NHSL1: variants seen among roughly 807,000 people sequenced by gnomAD.
NHSL1 encodes NHS-like protein 1.
A neutral mutation model predicts 95.0 loss-of-function variants in NHSL1; 48 were observed. That is an observed-to-expected ratio of 0.51 (90% CI 0.40 to 0.64). NHSL1 has a LOEUF of 0.64. Among genes scored for constraint, NHSL1 ranks in the 30% least tolerant of loss-of-function variants. The probability of loss-of-function intolerance (pLI) is 0.00; values close to 1 mark genes in which losing one functional copy is unlikely to be tolerated. For missense variants in NHSL1, 1,971 were observed against 2,077.7 expected, an observed-to-expected ratio of 0.95 and a Z score of 1.00; for synonymous variants, 783 against 833.9, an observed-to-expected ratio of 0.94 and a Z score of 1.05.
chr6:138,589,398 T>C (rs563955993), intron 1 of NHSL1, among the ~76,000 whole-genome samples: 1 of 152,204 alleles, frequency 6.6e-6, no homozygotes, highest in East Asian at 1.9e-4. Flanking sequence ...GAGAATCACC[T>C]GGGGGCCTCA....
At chr6:138,561,472 G>C (rs928127275) in intron 1 of NHSL1, among the ~76,000 whole-genome samples, 1 of 152,114 alleles carries the variant, frequency 6.6e-6, no homozygotes, top group Non-Finnish European at 1.5e-5. Flanking sequence ...TGGAAAAGTA[G>C]AGTCCCTCTT....
chr6:138,542,581 G>A, intron 1 of NHSL1, among the ~76,000 whole-genome samples: 1 of 152,118 alleles, frequency 6.6e-6, no homozygotes, highest in African/African-American at 2.4e-5. Flanking sequence ...GTAATGGTTT[G>A]GAAATTTCTT....
rs762058595 is a variant in NHSL1 at position 138,432,135 on chromosome 6, C to T, written c.2210G>A (p.Arg737Gln). Reference sequence around the variant, plus strand: ...GCCAGCACTAACTGTGCTCTGGCTCCGGGAGCGGGGCAGCCAGGGCTCTTC... The same window carrying T: ...GCCAGCACTAACTGTGCTCTGGCTCTGGGAGCGGGGCAGCCAGGGCTCTTC... ...DLEEPWLPRS[R>Q]SQSTVSAGSS... The change falls in exon 6 of 8, where the codon CGG becomes CAG. Residue 737 changes from arginine to glutamine, a missense_variant. Arg to Gln is a conservative substitution (Grantham distance 43, BLOSUM62 1). Around this residue, in one of 3 missense-constraint regions of NHSL1, gnomAD observed 1,602 missense variants for 1,654.5 expected, o/e 0.97. Coordinates refer to ENST00000343505, the MANE Select transcript of NHSL1 (RefSeq NM_001144060.2). The surrounding 1 kb of genome is among the most constrained non-coding windows in gnomAD (Gnocchi z 4.4). 4.5e-5 allele frequency: 69 copies of T among 1,549,344 alleles called. 1 individual carries two copies. The South Asian group carries it at 5.2e-4, about 12-fold the overall frequency.
At chr6:138,461,701 T>G (rs7750161) in intron 3 of NHSL1, among the ~76,000 whole-genome samples, 18,458 of 152,140 alleles carry the variant, frequency 0.12, 1,169 homozygotes, top group Middle Eastern at 0.16. Context: ...GAAGTGGAGA[T>G]GGCAAGTCTA....
chr6:138,560,137 G>A (rs1461562923), intron 1 of NHSL1, among the ~76,000 whole-genome samples: 1 of 152,148 alleles, frequency 6.6e-6, no homozygotes, highest in African/African-American at 2.4e-5. Context: ...TTGGATTTTT[G>A]TTCAAACCTT....
At chr6:138,629,584 T>C (rs1784789886) in intron 1 of NHSL1, among the ~76,000 whole-genome samples, 1 of 152,226 alleles carries the variant, frequency 6.6e-6, no homozygotes, top group South Asian at 2.1e-4. Flanking sequence ...GGTTTCACCA[T>C]GTTGGCCAGG....
chr6:138,424,836 AG>A lies in NHSL1; in HGVS notation c.4086-21del. ...TTGGATCTGAGATTTAATAACATTA[AG>A]AAAAAGGTTAATTCCCACGGGACCA... On this transcript the variant is annotated intron_variant, in intron 7 of 7. Transcript: ENST00000343505. This position sits in a 1 kb window ranked among gnomAD's most constrained non-coding sequence, Gnocchi z 5.9. 6.5e-7 allele frequency: 1 copy of A among 1,542,762 alleles called. No individual in the cohort carries two copies. The highest frequency in any genetic ancestry group is 8.8e-7 in the Non-Finnish European group (1 of 1,141,162).
intron 1 of NHSL1, among the ~76,000 whole-genome samples, chr6:138,625,136 TTGC>T (rs376792166): frequency 0.062 from 9,489 of 152,122 alleles, 336 homozygotes; most frequent in South Asian, 0.075. Context: ...TTTGTTGTTG[TTGC>T]TTTGTTTTGC....
intron 1 of NHSL1, among the ~76,000 whole-genome samples, chr6:138,681,465 A>G (rs1785510322): frequency 1.3e-5 from 2 of 152,196 alleles, no homozygotes; most frequent in Admixed American, 1.3e-4. Flanking sequence ...CTTGGTCCTC[A>G]TGTAATATAA....
At chr6:138,648,273 G>A (rs527834922) in intron 1 of NHSL1, among the ~76,000 whole-genome samples, 2 of 150,204 alleles carry the variant, frequency 1.3e-5, no homozygotes, top group Non-Finnish European at 3.0e-5. Flanking sequence ...AAACTTAATG[G>A]CTTAAAAAAA....
intron 1 of NHSL1, among the ~76,000 whole-genome samples, chr6:138,510,391 G>A (rs1781164011): frequency 6.6e-6 from 1 of 152,224 alleles, no homozygotes; most frequent in African/African-American, 2.4e-5. Context: ...GTCTCCAGCT[G>A]TACTTGGTTT....
At chr6:138,494,089 G>T (rs1056163572) in intron 2 of NHSL1, among the ~76,000 whole-genome samples, 2 of 152,214 alleles carry the variant, frequency 1.3e-5, no homozygotes, top group Admixed American at 1.3e-4. Flanking sequence ...ACCATGATCT[G>T]AAATGTCTGC....
chr6:138,640,783 C>A (rs747737465), intron 1 of NHSL1, among the ~76,000 whole-genome samples: 28 of 152,142 alleles, frequency 1.8e-4, no homozygotes, highest in Non-Finnish European at 3.4e-4. Context: ...CCTAACCCCC[C>A]ACCCCCAGTT....
intron 3 of NHSL1, among the ~76,000 whole-genome samples, chr6:138,462,268 T>G (rs934096519): frequency 2.0e-5 from 3 of 152,198 alleles, no homozygotes; most frequent in African/African-American, 7.2e-5. Flanking sequence ...GCTCTTATGC[T>G]GTGTCAAAAC....
chr6:138,644,001 T>TAAA (rs375486600), intron 1 of NHSL1, among the ~76,000 whole-genome samples: 105 of 128,066 alleles, frequency 8.2e-4, no homozygotes, highest in African/African-American at 2.7e-3. Flanking sequence ...CATCTAAGAT[T>TAAA]AAAAAAAAAA....
At chr6:138,563,301 G>A (rs940665469) in intron 1 of NHSL1, among the ~76,000 whole-genome samples, 2 of 152,128 alleles carry the variant, frequency 1.3e-5, no homozygotes, top group South Asian at 2.1e-4. Flanking sequence ...TGGATAGGTC[G>A]ACTGATTCAG....
At chr6:138,464,239 G>C in intron 3 of NHSL1, 1 of 821,696 alleles carries the variant, frequency 1.2e-6, no homozygotes, top group South Asian at 1.5e-5. Context: ...TGGCCATCAC[G>C]GCCGGCACCG....
intron 1 of NHSL1, among the ~76,000 whole-genome samples, chr6:138,589,163 A>C (rs899549929): frequency 8.5e-5 from 13 of 152,222 alleles, no homozygotes; most frequent in Non-Finnish European, 1.5e-5. Context: ...AAATGAAAGC[A>C]ATCAAGTATC....
chr6:138,682,040 G>T (rs1292556301), intron 1 of NHSL1, among the ~76,000 whole-genome samples: 3 of 149,712 alleles, frequency 2.0e-5, no homozygotes. Context: ...AGAGTGCAGT[G>T]GCGTGATCTT....
Sources: allele counts gnomAD v4.1 joint callset (sites outside exome capture counted in the v4.1 genomes callset), GRCh38; gene constraint gnomAD v4.1.1; regional missense constraint gnomAD v4.1.1; non-coding constraint Gnocchi (gnomAD v3.1); transcripts MANE v1.5; gene names NCBI Gene and HGNC (gene_info 2026-07-23, HGNC 2026-07-21).